Variants in PDZRN4 observed in about 807,000 individuals in gnomAD.
The protein encoded by PDZRN4 is PDZ domain-containing RING finger protein 4.
Under a neutral mutation model 99.0 loss-of-function variants are expected in PDZRN4, and 70 were observed. The observed-to-expected ratio is 0.71, with a 90% CI of 0.58 to 0.86. PDZRN4 has a LOEUF of 0.86. Among genes scored for constraint, PDZRN4 ranks in the 40% least tolerant of loss-of-function variants. PDZRN4 has a pLI of 0.00. For synonymous variants in PDZRN4, 551 were observed against 501.6 expected, an observed-to-expected ratio of 1.10 and a Z score of -1.32; for missense variants, 1,474 against 1,331.2, an observed-to-expected ratio of 1.11 and a Z score of -1.67.
chr12:41,429,509 T>A (rs1952567668), intron 3 of PDZRN4, among the ~76,000 whole-genome samples: 1 of 152,200 alleles, frequency 6.6e-6, no homozygotes, highest in African/African-American at 2.4e-5. Flanking sequence ...CAGTGTGCTG[T>A]GAGCATCACC....
chr12:41,510,949 A>T (rs12822321), intron 5 of PDZRN4, among the ~76,000 whole-genome samples: 1 of 152,004 alleles, frequency 6.6e-6, no homozygotes, highest in African/African-American at 2.4e-5. Flanking sequence ...TTCATGTTAA[A>T]TTTTTACCTC....
chr12:41,296,563 T>A (rs1951495789), intron 3 of PDZRN4, among the ~76,000 whole-genome samples: 1 of 152,186 alleles, frequency 6.6e-6, no homozygotes, highest in South Asian at 2.1e-4. Flanking sequence ...ATTGCTTTCA[T>A]CAACAAAGGG....
chr12:41,564,557 G>C (rs1048046126), intron 8 of PDZRN4, among the ~76,000 whole-genome samples: 1 of 152,116 alleles, frequency 6.6e-6, no homozygotes, highest in Non-Finnish European at 1.5e-5. Context: ...CATTGAGTAA[G>C]TGTATTTCAG....
intron 3 of PDZRN4, among the ~76,000 whole-genome samples, chr12:41,257,823 T>C (rs1209162889): frequency 6.6e-6 from 1 of 152,226 alleles, no homozygotes; most frequent in Non-Finnish European, 1.5e-5. Flanking sequence ...CACTCATTTT[T>C]ATTTGTCTTC....
At chr12:41,378,998 A>G (rs1952102734) in intron 3 of PDZRN4, among the ~76,000 whole-genome samples, 1 of 152,134 alleles carries the variant, frequency 6.6e-6, no homozygotes, top group South Asian at 2.1e-4. Flanking sequence ...AAGGTGCTAT[A>G]TGGTTTGGGC....
rs57596398 is a variant in PDZRN4 at position 41,399,847 on chromosome 12, G to A, written c.844-106609G>A. On this transcript the variant is annotated intron_variant, in intron 3 of 9. Coordinates refer to ENST00000402685, the MANE Select transcript of PDZRN4 (RefSeq NM_001164595.2). ...TCCTTAATTGTTCAATGGGTTTTTC[G>A]TTTTTAGGGTAGAATCCAATCACTT... Among the ~76,000 whole-genome samples, 377 of 151,508 alleles carry A rather than the reference G, an allele frequency of 2.5e-3. 1 individual carries two copies. Among genetic ancestry groups the A allele is most frequent in the African/African-American group, 8.7e-3 (358 of 41,310 alleles).
intron 3 of PDZRN4, among the ~76,000 whole-genome samples, chr12:41,380,346 AT>A (rs1215292408): frequency 6.6e-6 from 1 of 151,988 alleles, no homozygotes; most frequent in African/African-American, 2.4e-5. Flanking sequence ...ATTGAGAGTA[AT>A]AGATAAGGCC....
At chr12:41,514,810 AG>A (rs945613758) in intron 5 of PDZRN4, among the ~76,000 whole-genome samples, 2 of 152,094 alleles carry the variant, frequency 1.3e-5, no homozygotes, top group Non-Finnish European at 2.9e-5. Context: ...TCTTGGAGTC[AG>A]GAGTTTTAAT....
intron 5 of PDZRN4, among the ~76,000 whole-genome samples, chr12:41,531,475 A>G (rs553743703): frequency 6.6e-6 from 1 of 152,224 alleles, no homozygotes; most frequent in East Asian, 1.9e-4. Flanking sequence ...GCTCCTCCTG[A>G]GGTCCAGCCT....
chr12:41,417,547 A>G (rs1952455077), intron 3 of PDZRN4, among the ~76,000 whole-genome samples: 1 of 152,170 alleles, frequency 6.6e-6, no homozygotes, highest in Non-Finnish European at 1.5e-5. Context: ...CCAGGAACAC[A>G]AAGATGATGC....
intron 3 of PDZRN4, among the ~76,000 whole-genome samples, chr12:41,360,725 G>A (rs756878888): frequency 7.2e-5 from 11 of 151,980 alleles, no homozygotes; most frequent in Non-Finnish European, 1.3e-4. Context: ...CTACCTGAAA[G>A]AAGCTTGACT....
intron 3 of PDZRN4, among the ~76,000 whole-genome samples, chr12:41,275,550 A>T (rs1591993679): frequency 6.6e-6 from 1 of 152,140 alleles, no homozygotes; most frequent in East Asian, 1.9e-4. Flanking sequence ...AAGGAAATAG[A>T]TCCTCTCTGC....
At chr12:41,277,384 G>A (rs556425053) in intron 3 of PDZRN4, among the ~76,000 whole-genome samples, 5 of 152,312 alleles carry the variant, frequency 3.3e-5, no homozygotes, top group Admixed American at 6.5e-5. Flanking sequence ...TAAAACGGGC[G>A]TGAGTTCTGG....
In PDZRN4 at chr12:41,238,745, C is replaced by G. The variant is rs1046669621; in HGVS notation, c.843+44557C>G. Among the ~76,000 whole-genome samples the G allele has an allele frequency of 4.0e-5, 6 of 150,906 alleles. No individual in the cohort carries two copies. In the South Asian group the frequency reaches 1.3e-3, roughly 32 times the overall value. On this transcript the variant is annotated intron_variant, in intron 3 of 9. Transcript: ENST00000402685. ...AATAAAATAAAAAACCTCAGAATGG[C>G]TATTATTAAAAAATAAAAAATAAAA...
At chr12:41,260,540 G>A (rs1000350364) in intron 3 of PDZRN4, among the ~76,000 whole-genome samples, 2 of 152,008 alleles carry the variant, frequency 1.3e-5, no homozygotes, top group Non-Finnish European at 2.9e-5. Flanking sequence ...TTACATAACA[G>A]CATTATGAAA....
intron 3 of PDZRN4, among the ~76,000 whole-genome samples, chr12:41,408,846 GCTCT>G (rs1364901409): frequency 6.9e-6 from 1 of 145,314 alleles, no homozygotes; most frequent in Non-Finnish European, 1.5e-5. Context: ...GCACTCTCTT[GCTCT>G]CTTTCTCCCC....
At chr12:41,370,664 C>A (rs1339238650) in intron 3 of PDZRN4, among the ~76,000 whole-genome samples, 2 of 151,956 alleles carry the variant, frequency 1.3e-5, no homozygotes, top group East Asian at 3.9e-4. Flanking sequence ...TCCCCGTTTT[C>A]TTCTTCTGGA....
chr12:41,198,690 G>A (rs1031250757), intron 3 of PDZRN4, among the ~76,000 whole-genome samples: 1 of 151,178 alleles, frequency 6.6e-6, no homozygotes, highest in Non-Finnish European at 1.5e-5. Context: ...CAGCACACCA[G>A]CATGGCACAT....
intron 5 of PDZRN4, among the ~76,000 whole-genome samples, chr12:41,510,775 T>C (rs1229288466): frequency 6.6e-6 from 1 of 152,074 alleles, no homozygotes; most frequent in East Asian, 1.9e-4. Context: ...TGAAATCAAA[T>C]AAGGAAGCTC....
Sources: allele counts gnomAD v4.1 joint callset (sites outside exome capture counted in the v4.1 genomes callset), GRCh38; gene constraint gnomAD v4.1.1; transcripts MANE v1.5; gene names NCBI Gene and HGNC (gene_info 2026-07-23, HGNC 2026-07-21).